The following BIN1 variants were observed in gnomAD, a reference collection of about 807,000 sequenced individuals.
The protein encoded by BIN1 is bridging integrator 1.
In BIN1, 53 loss-of-function variants were observed where a neutral mutation model predicts 82.0. That is an observed-to-expected ratio of 0.65 (90% CI 0.52 to 0.81). The LOEUF is 0.81. Among genes scored for constraint, BIN1 ranks in the 40% least tolerant of loss-of-function variants. The pLI, the probability that BIN1 is intolerant of heterozygous loss-of-function variation, is 0.00. For synonymous variants in BIN1, 302 were observed against 328.0 expected, an observed-to-expected ratio of 0.92 and a Z score of 0.86; for missense variants, 642 against 784.4, an observed-to-expected ratio of 0.82 and a Z score of 2.17.
chr2:127,070,111 A>G, intron 4 of BIN1, 21 bp from the exon 5 acceptor site: 1 of 1,609,594 alleles, frequency 6.2e-7, no homozygotes, highest in Non-Finnish European at 8.5e-7. Flanking sequence ...CAAGAGCACG[A>G]CAGTGCCACC....
chr2:127,081,693 C>T, intron 1 of BIN1: 5 of 964,862 alleles, frequency 5.2e-6, no homozygotes, highest in Non-Finnish European at 5.4e-6. Context: ...AGCGGCACCC[C>T]TCGTCCCTGC....
chr2:127,086,178 G>A (rs766802306), intron 1 of BIN1, among the ~76,000 whole-genome samples: 9 of 152,162 alleles, frequency 5.9e-5, no homozygotes, highest in Admixed American at 4.6e-4. Context: ...GAGGGTCAGG[G>A]CGGTCACTCA....
chr2:127,068,229 G>T lies in BIN1; in HGVS notation c.546C>A (p.Ala182=). Residue 182 remains alanine, a synonymous_variant, in exon 7 of 19, where the codon GCC becomes GCA. Transcript: ENST00000316724. The surrounding 1 kb of genome is among the most constrained non-coding windows in gnomAD (Gnocchi z 4.9). ...GCAGTTTGCCTTGGCACCACTGGGG[G>T]GCGGCTTTCTCAAGCAGCGAGACAG... ...AKPVSLLEKA[A]PQWCQGKLQA... 1.2e-6 allele frequency: 2 copies of T among 1,613,600 alleles called. No homozygotes were observed. Among genetic ancestry groups the T allele is most frequent in the Non-Finnish European group, 1.7e-6 (2 of 1,179,976 alleles).
At chr2:127,086,019 C>T (rs1014731457) in intron 1 of BIN1, among the ~76,000 whole-genome samples, 1 of 152,136 alleles carries the variant, frequency 6.6e-6, no homozygotes, top group African/African-American at 2.4e-5. Flanking sequence ...CCACAAAGCT[C>T]ACAGTGCAAA....
At chr2:127,076,842 C>A in intron 1 of BIN1, 136 bp from the exon 2 acceptor site, 1 of 930,456 alleles carries the variant, frequency 1.1e-6, no homozygotes, top group Non-Finnish European at 1.7e-6. Context: ...AGGGTGCCCA[C>A]CCAGGGCTGC....
chr2:127,075,799 G>GC (rs147025393), intron 2 of BIN1, among the ~76,000 whole-genome samples: 69 of 57,726 alleles, frequency 1.2e-3, no homozygotes, highest in Middle Eastern at 0.014. Flanking sequence ...CCTCCCAGCT[G>GC]CCCCCCCCAC....
intron 4 of BIN1, 101 bp downstream of exon 4, chr2:127,070,452 G>C: frequency 2.1e-6 from 3 of 1,444,114 alleles, no homozygotes; most frequent in South Asian, 1.1e-5. Flanking sequence ...GCGAATGCCC[G>C]AGAACCAGAG....
rs377593589 is a variant in BIN1, at chr2:127,067,836, C to G, written c.612+327G>C. ...GGCCTGATGATGTCGCCTCCCTCCC[C>G]AGAGGAGCCCTCACAGAGGACAATG... On this transcript the variant is annotated intron_variant, in intron 7 of 18. Coordinates refer to ENST00000316724, the MANE Select transcript of BIN1 (RefSeq NM_139343.3). The surrounding 1 kb of genome is among the most constrained non-coding windows in gnomAD (Gnocchi z 4.7). Among the ~76,000 whole-genome samples the G allele has an allele frequency of 9.2e-5, 14 of 152,212 alleles. No homozygotes were observed. The highest frequency in any genetic ancestry group is 3.1e-4 in the African/African-American group (13 of 41,446).
chr2:127,064,020 T>C lies in BIN1; in HGVS notation c.613-2A>G. Reference sequence around the variant, plus strand: ...GGCTTTGATGAGCTCCTCCTCGGCCTGGGGGGCAGCACGGGTCATTCCCCT... The same window carrying C: ...GGCTTTGATGAGCTCCTCCTCGGCCCGGGGGGCAGCACGGGTCATTCCCCT... On this transcript the variant is annotated splice_acceptor_variant, in intron 7 of 18. Coordinates refer to ENST00000316724, the MANE Select transcript of BIN1 (RefSeq NM_139343.3). LOFTEE classifies it high-confidence loss of function. The C allele has an allele frequency of 6.2e-7, 1 of 1,613,772 alleles. No individual in the cohort carries two copies. The highest frequency in any genetic ancestry group is 8.5e-7 in the Non-Finnish European group (1 of 1,179,968).
intron 1 of BIN1, among the ~76,000 whole-genome samples, chr2:127,077,757 G>A (rs1372037347): frequency 3.3e-5 from 5 of 152,186 alleles, no homozygotes; most frequent in Non-Finnish European, 1.5e-5. Context: ...AGAGCAGAGG[G>A]GAAGACCAGG....
intron 15 of BIN1, 92 bp from the exon 16 acceptor site, chr2:127,051,335 C>T: frequency 7.7e-7 from 1 of 1,305,752 alleles, no homozygotes; most frequent in East Asian, 2.4e-5. Context: ...ACCCAAGCGA[C>T]AGGGCCGGGG....
chr2:127,093,986 C>A lies in BIN1; in HGVS notation c.84+12874G>T, dbSNP rs1679263076. ...GAGGGCATGGGTGCAGCTAGACACC[C>A]CCCACTGGCCTAAGGCCCTGCTCCC... On this transcript the variant is annotated intron_variant, in intron 1 of 18. Transcript: ENST00000316724. This position sits in a 1 kb window ranked among gnomAD's most constrained non-coding sequence, Gnocchi z 5.7. Among the ~76,000 whole-genome samples the A allele has an allele frequency of 1.3e-5, 2 of 152,162 alleles. No individual in the cohort carries two copies. Among genetic ancestry groups the A allele is most frequent in the Non-Finnish European group, 2.9e-5 (2 of 68,014 alleles).
At chr2:127,053,294 G>T in intron 14 of BIN1, 128 bp downstream of exon 14, 3 of 1,359,494 alleles carry the variant, frequency 2.2e-6, no homozygotes, top group Non-Finnish European at 3.1e-6. Flanking sequence ...GCACGTGCCT[G>T]TGTGTCCTGC....
At chr2:127,051,434 G>A (rs1028470336) in intron 15 of BIN1, among the ~76,000 whole-genome samples, 191 bp from the exon 16 acceptor site, 13 of 152,176 alleles carry the variant, frequency 8.5e-5, no homozygotes, top group East Asian at 1.9e-4. Context: ...GCCCTGGGCC[G>A]GGGAAGCAGC....
chr2:127,053,105 C>T (rs1310933736), intron 14 of BIN1: 1 of 469,586 alleles, frequency 2.1e-6, no homozygotes, highest in Admixed American at 3.3e-5. Context: ...CTCGTCCATC[C>T]TGGGTGACCG....
chr2:127,054,278 G>C, intron 12 of BIN1: 2 of 508,366 alleles, frequency 3.9e-6, no homozygotes, highest in Non-Finnish European at 7.2e-6. Flanking sequence ...CCCAGTGCCC[G>C]CCTCAAACTC....
intron 8 of BIN1, 88 bp from the exon 9 acceptor site, chr2:127,063,734 G>A (rs866175296): frequency 8.2e-6 from 12 of 1,465,876 alleles, no homozygotes; most frequent in Middle Eastern, 1.7e-4. Context: ...GACCACACAC[G>A]CTCATCAGAG....
chr2:127,081,395 G>T (rs888555823), intron 1 of BIN1, among the ~76,000 whole-genome samples: 1 of 152,248 alleles, frequency 6.6e-6, no homozygotes, highest in Non-Finnish European at 1.5e-5. Context: ...CCACAGTGAG[G>T]AGGGCCGGGT....
Position 127,087,684 on chromosome 2 carries a change from T to A in BIN1, c.85-10978A>T, listed in dbSNP as rs76722705. 4.5e-3 allele frequency among the ~76,000 whole-genome samples: 687 copies of A among 152,226 alleles called. 32 individuals carry two copies. The East Asian group carries it at 0.12, about 26-fold the overall frequency. On this transcript the variant is annotated intron_variant, in intron 1 of 18. Transcript: ENST00000316724. ...ATCCAAAGACCACATGTGCTCCAAA[T>A]CCTGGCAGGGGAGGGAGGCGTTTCA... is the stretch of plus-strand genomic sequence containing the variant.
Sources: allele counts gnomAD v4.1 joint callset (sites outside exome capture counted in the v4.1 genomes callset), GRCh38; gene constraint gnomAD v4.1.1; non-coding constraint Gnocchi (gnomAD v3.1); transcripts MANE v1.5; gene names NCBI Gene and HGNC (gene_info 2026-07-23, HGNC 2026-07-21).